The following SFSWAP variants were observed in gnomAD, a reference collection of about 807,000 sequenced individuals.
SFSWAP encodes splicing factor, suppressor of white-apricot homolog.
SFSWAP carries 17 observed loss-of-function variants against 100.7 expected under a neutral mutation model. The ratio of observed to expected loss-of-function variants is 0.17; its 90% CI spans 0.12 to 0.25. The LOEUF is 0.25. Ranked by LOEUF, SFSWAP falls within the 10% of genes least tolerant of loss-of-function variation. SFSWAP has a pLI of 1.00. For synonymous variants in SFSWAP, 504 were observed against 510.1 expected, an observed-to-expected ratio of 0.99 and a Z score of 0.16; for missense variants, 1,005 against 1,262.6, an observed-to-expected ratio of 0.80 and a Z score of 3.09.
intron 15 of SFSWAP, among the ~76,000 whole-genome samples, chr12:131,790,051 G>A (rs909695635): frequency 6.6e-6 from 1 of 152,200 alleles, no homozygotes. Context: ...TTCTTACACT[G>A]CTGACTGCAA....
chr12:131,774,677 A>G (rs1883869725), intron 13 of SFSWAP, among the ~76,000 whole-genome samples: 2 of 152,206 alleles, frequency 1.3e-5, no homozygotes, highest in Admixed American at 1.3e-4. Context: ...TTGAAGCTGA[A>G]AAAAGCAGTA....
intron 3 of SFSWAP, 64 bp from the exon 4 acceptor site, chr12:131,719,390 C>T: frequency 1.7e-6 from 2 of 1,181,664 alleles, no homozygotes; most frequent in South Asian, 2.5e-5. Context: ...ATCTTGCTGC[C>T]TGCTGTTAGC....
chr12:131,771,687 C>T (rs1027416202), intron 13 of SFSWAP, among the ~76,000 whole-genome samples: 5 of 136,690 alleles, frequency 3.7e-5, no homozygotes, highest in Admixed American at 2.4e-4. Context: ...CGGAGTCTCG[C>T]TCTGTCTCCA....
At chr12:131,719,391 T>A in intron 3 of SFSWAP, 63 bp from the exon 4 acceptor site, 1 of 1,192,776 alleles carries the variant, frequency 8.4e-7, no homozygotes, top group African/African-American at 1.5e-5. Flanking sequence ...TCTTGCTGCC[T>A]GCTGTTAGCA....
At chr12:131,731,585 T>C (rs1879515247) in intron 7 of SFSWAP, among the ~76,000 whole-genome samples, 2 of 152,220 alleles carry the variant, frequency 1.3e-5, no homozygotes, top group African/African-American at 4.8e-5. Flanking sequence ...TATGTGGTTA[T>C]TGGTTTGTAA....
intron 14 of SFSWAP, chr12:131,783,804 A>G (rs1284715477): frequency 7.7e-6 from 1 of 130,582 alleles, no homozygotes; most frequent in African/African-American, 2.6e-5. Flanking sequence ...ATATATATAT[A>G]TATATATATA....
At chr12:131,767,891 G>C (rs1883247333) in intron 13 of SFSWAP, among the ~76,000 whole-genome samples, 2 of 152,170 alleles carry the variant, frequency 1.3e-5, no homozygotes, top group Non-Finnish European at 2.9e-5. Context: ...TAGCTACTAT[G>C]CTCACTGCCT....
At chr12:131,779,035 T>C (rs1189671282) in intron 14 of SFSWAP, among the ~76,000 whole-genome samples, 1 of 150,944 alleles carries the variant, frequency 6.6e-6, no homozygotes, top group Admixed American at 6.6e-5. Context: ...GAGAACTCTT[T>C]AGCACTGGTT....
intron 11 of SFSWAP, among the ~76,000 whole-genome samples, chr12:131,758,640 A>ATGG (rs1346691053): frequency 6.6e-6 from 1 of 152,260 alleles, no homozygotes; most frequent in Non-Finnish European, 1.5e-5. Flanking sequence ...GTAATCAGAC[A>ATGG]TGGAAAAGAT....
intron 15 of SFSWAP, among the ~76,000 whole-genome samples, chr12:131,795,482 A>G (rs4964999): frequency 0.4 from 60,808 of 152,060 alleles, 13,161 homozygotes; most frequent in Non-Finnish European, 0.49. Context: ...GCAGGGCCAG[A>G]CACTGGTGAG....
At chr12:131,740,681 A>G (rs897019740) in intron 7 of SFSWAP, among the ~76,000 whole-genome samples, 6 of 152,026 alleles carry the variant, frequency 3.9e-5, no homozygotes, top group Admixed American at 3.3e-4. Context: ...GACTTTTTTC[A>G]GCCATGTCTA....
rs768935198 is a variant in SFSWAP, at chr12:131,753,258, C to T, written c.1217C>T (p.Pro406Leu). The change falls in exon 8 of 18, where the codon CCT becomes CTT. Residue 406 changes from proline to leucine, a missense_variant. Coordinates refer to ENST00000261674, the MANE Select transcript of SFSWAP (RefSeq NM_004592.4). ...LPAGVTVSNS[P>L]GVTTTAPPPP... is the part of the protein sequence containing the mutation. ...GCTGGCGTGACCGTGTCTAACTCCC[C>T]TGGAGTGACGACCACCGCCCCACCA... The T allele has an allele frequency of 2.5e-6, 4 of 1,614,100 alleles. No individual in the cohort carries two copies. Among genetic ancestry groups the T allele is most frequent in the Non-Finnish European group, 3.4e-6 (4 of 1,179,988 alleles).
intron 7 of SFSWAP, 91 bp downstream of exon 7, chr12:131,728,519 C>A: frequency 1.5e-6 from 2 of 1,376,728 alleles, no homozygotes; most frequent in Non-Finnish European, 2.0e-6. Context: ...TTCTGTCCTC[C>A]AAGTGTAACA....
chr12:131,721,674 T>C (rs1878490467), intron 4 of SFSWAP, among the ~76,000 whole-genome samples: 2 of 152,374 alleles, frequency 1.3e-5, no homozygotes, highest in South Asian at 4.1e-4. Context: ...TTAAAATATT[T>C]AATGGCTTTG....
At chr12:131,774,107 G>A (rs1883824036) in intron 13 of SFSWAP, among the ~76,000 whole-genome samples, 1 of 152,210 alleles carries the variant, frequency 6.6e-6, no homozygotes, top group Admixed American at 6.5e-5. Flanking sequence ...CATTTCCGCT[G>A]AGACAGTGTG....
At chr12:131,779,486 T>G (rs187658833) in intron 14 of SFSWAP, among the ~76,000 whole-genome samples, 1 of 152,302 alleles carries the variant, frequency 6.6e-6, no homozygotes, top group Admixed American at 6.5e-5. Flanking sequence ...AACCACTTTT[T>G]AAAAACAAAA....
intron 7 of SFSWAP, among the ~76,000 whole-genome samples, chr12:131,736,239 A>T (rs953065638): frequency 6.6e-6 from 1 of 152,214 alleles, no homozygotes; most frequent in African/African-American, 2.4e-5. Context: ...AGACACAAAG[A>T]GCTATTTGGA....
chr12:131,728,491 G>C, intron 7 of SFSWAP, 63 bp downstream of exon 7: 7 of 1,557,764 alleles, frequency 4.5e-6, no homozygotes, highest in Non-Finnish European at 6.2e-6. Context: ...CCAGCTACAG[G>C]GCTCTAAACC....
chr12:131,722,218 T>G (rs888343368), intron 4 of SFSWAP, among the ~76,000 whole-genome samples: 4 of 152,202 alleles, frequency 2.6e-5, no homozygotes, highest in Admixed American at 2.6e-4. Context: ...AACCTAATGA[T>G]GACAGGATCC....
Sources: allele counts gnomAD v4.1 joint callset (sites outside exome capture counted in the v4.1 genomes callset), GRCh38; gene constraint gnomAD v4.1.1; transcripts MANE v1.5; gene names NCBI Gene and HGNC (gene_info 2026-07-23, HGNC 2026-07-21).